The following ZNF723 variants were observed in gnomAD, a reference collection of about 807,000 sequenced individuals.
ZNF723 encodes zinc finger protein 723.
In ZNF723, 5 loss-of-function variants were observed where a neutral mutation model predicts 9.4. The observed-to-expected ratio is 0.53, with a 90% CI of 0.28 to 1.12. The LOEUF is 1.12. Ranked by LOEUF, ZNF723 falls within the 50% of genes most tolerant of loss-of-function variation. The probability of loss-of-function intolerance (pLI) is 0.10; values close to 1 mark genes in which losing one functional copy is unlikely to be tolerated. For synonymous variants in ZNF723, 158 were observed against 168.8 expected (o/e 0.94, Z 0.49); for missense variants, 450 against 501.5 (o/e 0.90, Z 0.98).
chr19:22,814,104 G>T, the ZNF723 span, among the ~76,000 whole-genome samples: 14 of 152,050 alleles, frequency 9.2e-5, no homozygotes, highest in Admixed American at 7.2e-4. Context: ...AAGCCACCAC[G>T]CCCGGCCAGC....
intron 3 of ZNF723, among the ~76,000 whole-genome samples, chr19:22,854,777 G>T (rs1219575156): frequency 6.6e-6 from 1 of 152,092 alleles, no homozygotes; most frequent in African/African-American, 2.4e-5. Flanking sequence ...GCTGTGCTTG[G>T]TGGTTTACAC....
At position 22,841,831 on chromosome 19, in the gene ZNF723, A is replaced by G. The variant is rs59789834; in HGVS notation, c.4-6430A>G. 8.2e-3 allele frequency among the ~76,000 whole-genome samples: 1,242 copies of G among 152,330 alleles called. 19 individuals carry two copies. Among genetic ancestry groups the G allele is most frequent in the African/African-American group, 0.029 (1,194 of 41,582 alleles). On this transcript the variant is annotated intron_variant, in intron 1 of 3. Transcript: ENST00000600766. Reference sequence around the variant, plus strand: ...CTAAAATACCCACAAATATGCAAGTAACACCTGCTGCAGATCCAAATTCTG... The same window carrying G: ...CTAAAATACCCACAAATATGCAAGTGACACCTGCTGCAGATCCAAATTCTG...
intron 3 of ZNF723, among the ~76,000 whole-genome samples, chr19:22,854,797 C>A (rs1204050679): frequency 3.3e-5 from 5 of 152,060 alleles, no homozygotes; most frequent in Non-Finnish European, 5.9e-5. Context: ...CCTGTAATCC[C>A]ATCACTTTGG....
chr19:22,825,567 A>G, the ZNF723 span, among the ~76,000 whole-genome samples: 1 of 152,166 alleles, frequency 6.6e-6, no homozygotes, highest in Admixed American at 6.5e-5. Context: ...ATTTTGACAT[A>G]TTGCTGGGCC....
the ZNF723 span, among the ~76,000 whole-genome samples, chr19:22,822,123 G>A: frequency 2.9e-4 from 44 of 152,054 alleles, no homozygotes; most frequent in Admixed American, 2.9e-3. Flanking sequence ...AAAAAATTAT[G>A]CATACTTTAG....
the ZNF723 span, among the ~76,000 whole-genome samples, chr19:22,824,304 G>A: frequency 2.5e-4 from 38 of 151,774 alleles, no homozygotes; most frequent in African/African-American, 7.8e-4. Flanking sequence ...GTGGAATATC[G>A]CTAGGCCCAG....
At chr19:22,854,253 A>G (rs1488464513) in intron 3 of ZNF723, among the ~76,000 whole-genome samples, 2 of 152,102 alleles carry the variant, frequency 1.3e-5, no homozygotes, top group East Asian at 1.9e-4. Flanking sequence ...CTTAGAATAC[A>G]TTTTATAAAA....
At chr19:22,831,423 G>A (rs138908473), upstream of ZNF723, among the ~76,000 whole-genome samples, 2,020 of 151,894 alleles carry the variant, frequency 0.013, 40 homozygotes, top group African/African-American at 0.047. Context: ...TGGGTGTGGT[G>A]GCGGATGCCT....
At chr19:22,832,707 G>A (rs1345753572) in intron 1 of ZNF723, among the ~76,000 whole-genome samples, 1 of 152,224 alleles carries the variant, frequency 6.6e-6, no homozygotes, top group Non-Finnish European at 1.5e-5. Flanking sequence ...TGACTCGGGT[G>A]AGGAGTTCCT....
chr19:22,820,507 C>T, the ZNF723 span, among the ~76,000 whole-genome samples: 1 of 152,194 alleles, frequency 6.6e-6, no homozygotes, highest in African/African-American at 2.4e-5. Flanking sequence ...ATGTGACTCT[C>T]CTGCTTCCTT....
intron 1 of ZNF723, among the ~76,000 whole-genome samples, chr19:22,834,531 T>C (rs772441368): frequency 5.3e-5 from 8 of 152,096 alleles, no homozygotes; most frequent in Non-Finnish European, 1.0e-4. Flanking sequence ...TAAACGAAGA[T>C]ACTGTGTCTA....
chr19:22,857,599 AG>A lies in ZNF723; in HGVS notation c.709del (p.Ala237ProfsTer181). On this transcript the variant is annotated frameshift_variant, in exon 4 of 4. Coordinates refer to ENST00000600766, the MANE Select transcript of ZNF723 (RefSeq NM_001349726.2). LOFTEE classifies it low-confidence loss of function (END_TRUNC). ...KPYKCEECGK[A>X]FNVSSSLNNH... ...CCTACAAATGTGAAGAATGTGGCAA[AG>A]CCTTTAATGTGTCCTCAAGCCTTAA... 7.5e-7 allele frequency: 1 copy of A among 1,331,666 alleles called. No individual in the cohort carries two copies. Among genetic ancestry groups the A allele is most frequent in the South Asian group, 1.2e-5 (1 of 85,112 alleles). 82.5% of individuals were successfully genotyped at this position (1,331,666 alleles called of 1,614,324 possible). A position where few individuals can be genotyped will look rare whatever the true frequency, so the allele number is the denominator to read the frequency against.
chr19:22,855,352 C>G (rs574271532), intron 3 of ZNF723, among the ~76,000 whole-genome samples: 69 of 151,906 alleles, frequency 4.5e-4, no homozygotes, highest in Middle Eastern at 3.4e-3. Context: ...CCTCAGACTC[C>G]TGAATAGCTG....
At chr19:22,814,367 C>G in the ZNF723 span, among the ~76,000 whole-genome samples, 1 of 152,208 alleles carries the variant, frequency 6.6e-6, no homozygotes, top group South Asian at 2.1e-4. Flanking sequence ...ACCCTGCCAA[C>G]AGTAAAGACT....
the ZNF723 span, among the ~76,000 whole-genome samples, chr19:22,816,108 G>A: frequency 2.7e-4 from 41 of 152,294 alleles, no homozygotes; most frequent in African/African-American, 9.6e-4. Flanking sequence ...GGGTCTATAT[G>A]AGCACAAATG....
intron 1 of ZNF723, among the ~76,000 whole-genome samples, chr19:22,847,261 T>TG (rs1967326403): frequency 6.6e-6 from 1 of 151,564 alleles, no homozygotes; most frequent in African/African-American, 2.4e-5. Context: ...AAGGCCTTTT[T>TG]TTTTTTAATT....
upstream of ZNF723, among the ~76,000 whole-genome samples, chr19:22,829,244 A>C (rs1967068541): frequency 6.7e-6 from 1 of 148,880 alleles, no homozygotes. Context: ...AAAAAAAAAC[A>C]CAGTTCTGCT....
upstream of ZNF723, among the ~76,000 whole-genome samples, chr19:22,827,983 G>A (rs1416708275): frequency 6.6e-6 from 1 of 152,090 alleles, no homozygotes; most frequent in Non-Finnish European, 1.5e-5. Context: ...AGGAGGCTGA[G>A]GCAGGAGAAT....
At chr19:22,814,019 C>A in the ZNF723 span, among the ~76,000 whole-genome samples, 1 of 151,886 alleles carries the variant, frequency 6.6e-6, no homozygotes, top group Non-Finnish European at 1.5e-5. Context: ...ACTATGTTGG[C>A]CAGTCTGGTC....
Sources: allele counts gnomAD v4.1 joint callset (sites outside exome capture counted in the v4.1 genomes callset), GRCh38; gene constraint gnomAD v4.1.1; transcripts MANE v1.5; gene names NCBI Gene and HGNC (gene_info 2026-07-23, HGNC 2026-07-21).